Variants in GSE1 observed in about 807,000 individuals in gnomAD.
The protein encoded by GSE1 is genetic suppressor element 1.
In GSE1, 32 loss-of-function variants were observed where a neutral mutation model predicts 112.6. The observed-to-expected ratio is 0.28, with a 90% CI of 0.21 to 0.38. The LOEUF is 0.38. GSE1 is among the 10% of genes least tolerant of loss of function. GSE1 has a pLI of 1.00. For missense variants in GSE1, 2,348 were observed against 1,699.2 expected (o/e 1.38, Z -6.71); for synonymous variants, 1,115 against 735.6 (o/e 1.52, Z -8.35).
At chr16:85,551,707 A>G (rs1008683394), upstream of GSE1, among the ~76,000 whole-genome samples, 1 of 152,290 alleles carries the variant, frequency 6.6e-6, no homozygotes, top group East Asian at 1.9e-4. Context: ...TCACTAACCT[A>G]CTTTGAGACG....
At chr16:85,337,844 G>A (rs571189624) in intron 1 of GSE1, among the ~76,000 whole-genome samples, 3 of 152,358 alleles carry the variant, frequency 2.0e-5, no homozygotes, top group South Asian at 2.1e-4. Flanking sequence ...ATGCGGCGCC[G>A]TCAGTGTTCT....
intron 1 of GSE1, among the ~76,000 whole-genome samples, chr16:85,208,948 G>A (rs529352966): frequency 4.0e-5 from 6 of 150,024 alleles, no homozygotes; most frequent in East Asian, 2.0e-4. Flanking sequence ...GGGGTTCGCC[G>A]CATGTTGGGG....
intron 2 of GSE1, among the ~76,000 whole-genome samples, chr16:85,437,944 G>T (rs1402887041): frequency 6.6e-6 from 1 of 152,194 alleles, no homozygotes; most frequent in Non-Finnish European, 1.5e-5. Flanking sequence ...GGGTTGCATG[G>T]GGATTAAGTC....
chr16:85,618,522 C>T (rs940993149), intron 1 of GSE1, among the ~76,000 whole-genome samples: 1 of 152,190 alleles, frequency 6.6e-6, no homozygotes, highest in African/African-American at 2.4e-5. Context: ...GTGTTCTGGG[C>T]CTCAGTCTTC....
chr16:85,420,913 C>G (rs899608339), intron 2 of GSE1, among the ~76,000 whole-genome samples: 7 of 152,152 alleles, frequency 4.6e-5, no homozygotes, highest in African/African-American at 7.2e-5. Context: ...GCTTCACCCG[C>G]GGTGTGAGAC....
upstream of GSE1, among the ~76,000 whole-genome samples, chr16:85,611,067 C>CCGTGT (rs1484960385): frequency 6.6e-6 from 1 of 152,240 alleles, no homozygotes; most frequent in Non-Finnish European, 1.5e-5. Flanking sequence ...GGTGGTGGCA[C>CCGTGT]CGTGTCCGGG....
Position 85,666,168 on chromosome 16 carries a change from A to C in GSE1, c.2951A>C (p.Lys984Thr). The C allele has an allele frequency of 6.2e-7, 1 of 1,613,474 alleles. No individual in the cohort carries two copies. The highest frequency in any genetic ancestry group is 8.5e-7 in the Non-Finnish European group (1 of 1,180,038). Residue 984 changes from lysine to threonine, a missense_variant, in exon 13 of 16, where the codon AAG becomes ACG. Transcript: ENST00000253458. The stretch of plus-strand genomic sequence containing the variant: ...CTGAGCGAGGCCCCTGGAGGCAAAA[A>C]GAGTCTGAGCATGCTTCACTATATC... ...ARLSEAPGGKKSLSMLHYIRG... is the reference protein window; with the variant it reads ...ARLSEAPGGKTSLSMLHYIRG...
At chr16:85,528,480 A>ATT (rs11388377) in intron 2 of GSE1, among the ~76,000 whole-genome samples, 6,314 of 144,274 alleles carry the variant, frequency 0.044, 168 homozygotes, top group Middle Eastern at 0.13. Context: ...CCCCCGGCTA[A>ATT]TTTTTTTTTT....
At chr16:85,510,042 G>A (rs2051679548) in intron 2 of GSE1, among the ~76,000 whole-genome samples, 1 of 152,182 alleles carries the variant, frequency 6.6e-6, no homozygotes, top group African/African-American at 2.4e-5. Context: ...GCTTTATTAG[G>A]CCAAGCCGCG....
At chr16:85,576,602 C>T (rs1347416758) in intron 1 of GSE1, among the ~76,000 whole-genome samples, 1 of 152,172 alleles carries the variant, frequency 6.6e-6, no homozygotes, top group Non-Finnish European at 1.5e-5. Context: ...CCCTTTCTTC[C>T]TAACTAAGCC....
rs1567520674 is a variant in GSE1 at position 85,478,907 on chromosome 16, CTTTCT to C, written c.2464+121267_2464+121271del. Among the ~76,000 whole-genome samples the C allele has an allele frequency of 1.6e-4, 8 of 51,042 alleles. 1 individual carries two copies. The highest frequency in any genetic ancestry group is 2.7e-4 in the Non-Finnish European group (7 of 25,634). 33.5% of individuals were successfully genotyped at this position (51,042 alleles called of 152,430 possible). ...TCTTTCTTTCTTTCTTTCTTTCTTT[CTTTCT>C]TTCTTTCTTTCTTTCTCTTTCTTTC... On this transcript the variant is annotated intron_variant, in intron 2 of 2. Transcript: ENST00000637419.
chr16:85,261,595 T>G lies in GSE1; in HGVS notation c.2283+89788T>G, dbSNP rs901356518. Among the ~76,000 whole-genome samples, 3 of 152,260 alleles carry G rather than the reference T, an allele frequency of 2.0e-5. No homozygotes were observed. The South Asian group carries it at 6.2e-4, about 32-fold the overall frequency. The stretch of plus-strand genomic sequence containing the variant: ...GCTCAGAGTGGAGGGCTGCCCCGTG[T>G]GGTAGAGGGGACTTGGCGGCCAGCA... On this transcript the variant is annotated intron_variant, in intron 1 of 2. Coordinates refer to the GSE1 transcript ENST00000637419.
At chr16:85,371,891 A>G (rs1296310604) in intron 2 of GSE1, among the ~76,000 whole-genome samples, 2 of 152,252 alleles carry the variant, frequency 1.3e-5, no homozygotes, top group East Asian at 3.9e-4. Context: ...CTGCTTCTGG[A>G]AGTGGGAGGA....
At chr16:85,578,172 G>A (rs2046306361) in intron 1 of GSE1, among the ~76,000 whole-genome samples, 1 of 152,260 alleles carries the variant, frequency 6.6e-6, no homozygotes, top group Admixed American at 6.5e-5. Flanking sequence ...AGGACCCCCT[G>A]AGCCGCCCCA....
At position 85,668,291 on chromosome 16, in the gene GSE1, C is replaced by G. The variant is rs569131062; in HGVS notation, c.3282C>G (p.Thr1094=). ...CCACTGCAAGGAAGGGCCCCCCAAC[C>G]CAGGAGTTGGACCGGGACTCGGAGG... The part of the protein sequence containing the change: ...EPPTARKGPP[T]QELDRDSEEE... Residue 1094 remains threonine, a synonymous_variant, in exon 14 of 16, where the codon ACC becomes ACG. Coordinates refer to ENST00000253458, the MANE Select transcript of GSE1 (RefSeq NM_014615.5). 2.3e-5 allele frequency: 37 copies of G among 1,611,932 alleles called. No homozygotes were observed. In the South Asian group the frequency reaches 3.6e-4, roughly 16 times the overall value.
Position 85,627,452 on chromosome 16 carries a change from C to T in GSE1, c.8-6462C>T, listed in dbSNP as rs1042988338. On this transcript the variant is annotated intron_variant, in intron 1 of 15. Coordinates refer to ENST00000253458, the MANE Select transcript of GSE1 (RefSeq NM_014615.5). Reference sequence around the variant, plus strand: ...CCCTCAGTTTGAGGGTGCCCAGGGCCGAGGGGCCTTTAGGTGTCTGGCTGT... The same window carrying T: ...CCCTCAGTTTGAGGGTGCCCAGGGCTGAGGGGCCTTTAGGTGTCTGGCTGT... 6.0e-5 allele frequency among the ~76,000 whole-genome samples: 9 copies of T among 151,030 alleles called. No individual in the cohort carries two copies. In the South Asian group the frequency reaches 6.3e-4, roughly 11 times the overall value.
At chr16:85,339,338 G>T (rs541265238) in intron 1 of GSE1, among the ~76,000 whole-genome samples, 2 of 152,156 alleles carry the variant, frequency 1.3e-5, no homozygotes, top group Non-Finnish European at 2.9e-5. Flanking sequence ...TCTTTGCCTG[G>T]ACCCAGGGCT....
intron 1 of GSE1, among the ~76,000 whole-genome samples, 154 bp downstream of exon 1, chr16:85,613,552 G>A (rs1023938393): frequency 6.6e-6 from 1 of 152,096 alleles, no homozygotes; most frequent in Non-Finnish European, 1.5e-5. Context: ...GGGAGGGCGG[G>A]CAGGCGACCA....
chr16:85,590,019 G>A lies in GSE1; in HGVS notation c.37+33656G>A, dbSNP rs564577304. 9.2e-5 allele frequency among the ~76,000 whole-genome samples: 14 copies of A among 152,168 alleles called. No individual in the cohort carries two copies. The South Asian group carries it at 2.5e-3, about 27-fold the overall frequency. On this transcript the variant is annotated intron_variant, in intron 1 of 2. Transcript: ENST00000635906. ...GTGAGACTGTGTGACCTGTGTGAAT[G>A]AACATGAGACGTGAGTGTGAATGTG...
Sources: allele counts gnomAD v4.1 joint callset (sites outside exome capture counted in the v4.1 genomes callset), GRCh38; gene constraint gnomAD v4.1.1; transcripts MANE v1.5; gene names NCBI Gene and HGNC (gene_info 2026-07-23, HGNC 2026-07-21).